The following MAFF variants were observed in gnomAD, a reference collection of about 807,000 sequenced individuals.
The protein encoded by MAFF is transcription factor MafF.
Under a neutral mutation model 2.7 loss-of-function variants are expected in MAFF, and 4 were observed. The observed-to-expected ratio is 1.48, with a 90% CI of 0.73 to 3.39. The LOEUF is 3.39. Among genes scored for constraint, MAFF ranks in the 30% most tolerant of loss-of-function variants. The pLI is 0.01. For missense variants in MAFF, 190 were observed against 246.6 expected, an observed-to-expected ratio of 0.77 and a Z score of 1.54; for synonymous variants, 113 against 119.4, an observed-to-expected ratio of 0.95 and a Z score of 0.35.
chr22:38,208,040 G>A (rs956333723), intron 1 of MAFF, among the ~76,000 whole-genome samples: 8 of 152,160 alleles, frequency 5.3e-5, no homozygotes, highest in Non-Finnish European at 7.4e-5. Flanking sequence ...GTAAAGGGAG[G>A]AGGCAGGACC....
Position 38,214,987 on chromosome 22 carries a change from C to T in MAFF, c.*109C>T. ...GTCCCATTTCTCTGCAGCACTGGCC[C>T]CTTGGTGCACACACATTCCCTTCGT... On this transcript the variant is annotated 3_prime_UTR_variant, in exon 3 of 3. Coordinates refer to ENST00000338483, the MANE Select transcript of MAFF (RefSeq NM_012323.4). This position sits in a 1 kb window ranked among gnomAD's most constrained non-coding sequence, Gnocchi z 6.3. The T allele has an allele frequency of 1.2e-6, 1 of 811,864 alleles. No individual in the cohort carries two copies. The highest frequency in any genetic ancestry group is 2.0e-6 in the Non-Finnish European group (1 of 495,356). The allele number at this position is 811,864 out of a possible 1,614,324, so 50.3% of individuals were successfully genotyped here.
chr22:38,206,004 G>T (rs1374874812), intron 1 of MAFF, among the ~76,000 whole-genome samples: 1 of 152,150 alleles, frequency 6.6e-6, no homozygotes. Flanking sequence ...GCGGTTGAGG[G>T]GGCTGAGGCT....
In MAFF at chr22:38,214,617, G is replaced by A; in HGVS notation, c.234G>A (p.Glu78=). ...CRVKRVCQKE[E]LQKQKSELER... Reference sequence around the variant, plus strand: ...TGAAGCGCGTGTGCCAGAAGGAGGAGCTGCAGAAGCAGAAGTCGGAGCTGG... The same window carrying A: ...TGAAGCGCGTGTGCCAGAAGGAGGAACTGCAGAAGCAGAAGTCGGAGCTGG... Residue 78 remains glutamate, a synonymous_variant, in exon 3 of 3, where the codon GAG becomes GAA. Coordinates refer to ENST00000338483, the MANE Select transcript of MAFF (RefSeq NM_012323.4). This position sits in a 1 kb window ranked among gnomAD's most constrained non-coding sequence, Gnocchi z 6.3. 1.9e-6 allele frequency: 3 copies of A among 1,575,226 alleles called. No individual in the cohort carries two copies. Among genetic ancestry groups the A allele is most frequent in the Non-Finnish European group, 2.6e-6 (3 of 1,161,104 alleles).
rs2091125252 is a variant in MAFF, at chr22:38,214,275, C to T, written c.37-145C>T. The T allele has an allele frequency of 2.4e-6, 2 of 817,688 alleles. No individual in the cohort carries two copies. Among genetic ancestry groups the T allele is most frequent in the Non-Finnish European group, 1.9e-6 (1 of 537,950 alleles). The allele number at this position is 817,688 out of a possible 1,614,324, so 50.7% of individuals were successfully genotyped here. ...CGATCCTAGTCTGGCCCGGTTTCCC[C>T]TTCCCGGATTCCTGCTCCCCTTCGG... On this transcript the variant is annotated intron_variant, in intron 2 of 2. Transcript: ENST00000338483. The surrounding 1 kb of genome is among the most constrained non-coding windows in gnomAD (Gnocchi z 6.3).
At position 38,206,787 on chromosome 22, in the gene MAFF, C is replaced by A. The variant is rs947593649; in HGVS notation, c.-32+4575C>A. Among the ~76,000 whole-genome samples the A allele has an allele frequency of 4.6e-5, 7 of 152,262 alleles. No homozygotes were observed. In the South Asian group the frequency reaches 1.5e-3, roughly 32 times the overall value. ...TGAGGTTCTGTATCAGCCGCAACAC[C>A]CAAAGGGCAGTTGATTAACTTGCGT... is the stretch of plus-strand genomic sequence containing the variant. On this transcript the variant is annotated intron_variant, in intron 1 of 2. Coordinates refer to ENST00000338483, the MANE Select transcript of MAFF (RefSeq NM_012323.4).
rs57782814 is a variant in MAFF at position 38,213,176 on chromosome 22, C to CAAAAAAA, written c.-31-628_-31-622dup. On this transcript the variant is annotated intron_variant, in intron 1 of 2. Coordinates refer to ENST00000338483, the MANE Select transcript of MAFF (RefSeq NM_012323.4). ...TGGGTGACAGAGTGAGACTCTGTCT[C>CAAAAAAA]AAAAAAAAAAAAAAAAAAAAAAAAA... Among the ~76,000 whole-genome samples the CAAAAAAA allele has an allele frequency of 1.9e-4, 22 of 114,100 alleles. No individual in the cohort carries two copies. In the East Asian group the frequency reaches 2.5e-3, roughly 13 times the overall value. 74.9% of individuals were successfully genotyped at this position (114,100 alleles called of 152,430 possible). A position where few individuals can be genotyped will look rare whatever the true frequency, so the allele number is the denominator to read the frequency against.
In MAFF at chr22:38,214,698, C is replaced by G. The variant is rs746668329; in HGVS notation, c.315C>G (p.Asp105Glu). The G allele has an allele frequency of 4.5e-6, 7 of 1,541,272 alleles. No homozygotes were observed. The highest frequency in any genetic ancestry group is 6.1e-6 in the Non-Finnish European group (7 of 1,145,062). The stretch of plus-strand genomic sequence containing the variant: ...ACGCCGCCATGCGCCTGGAGCTCGA[C>G]GCGCTGCGCGGCAAGTGCGAGGCGC... The part of the protein sequence containing the change: ...RENAAMRLEL[D>E]ALRGKCEALQ... Residue 105 changes from aspartate to glutamate, a missense_variant, in exon 3 of 3, where the codon GAC (aspartate) becomes GAG (glutamate). Physicochemically the swap from Asp to Glu is conservative, Grantham distance 45. Coordinates refer to ENST00000338483, the MANE Select transcript of MAFF (RefSeq NM_012323.4). The surrounding 1 kb of genome is among the most constrained non-coding windows in gnomAD (Gnocchi z 6.3).
At chr22:38,211,079 C>T (rs902730001) in intron 1 of MAFF, among the ~76,000 whole-genome samples, 2 of 151,738 alleles carry the variant, frequency 1.3e-5, no homozygotes, top group Non-Finnish European at 2.9e-5. Context: ...AAAACAAAAA[C>T]AAAAACGCCA....
intron 1 of MAFF, among the ~76,000 whole-genome samples, chr22:38,212,813 T>C (rs2091111086): frequency 6.6e-6 from 1 of 152,112 alleles, no homozygotes; most frequent in African/African-American, 2.4e-5. Flanking sequence ...GTAAAGGCAT[T>C]TACTGGTGCA....
intron 1 of MAFF, among the ~76,000 whole-genome samples, chr22:38,206,406 T>C (rs1445018624): frequency 6.6e-6 from 1 of 150,966 alleles, no homozygotes; most frequent in Non-Finnish European, 1.5e-5. Context: ...CAGTGGCTTG[T>C]TCTCAGCTCA....
chr22:38,214,761 G>T lies in MAFF; in HGVS notation c.378G>T (p.Gly126=). ...CGCGCTCCGTGGCCGCCGCCCGCGG[G>T]CCCGCCACGCTCGTGGCGCCGGCCA... ...GFARSVAAAR[G]PATLVAPASV... Residue 126 remains glycine, a synonymous_variant, in exon 3 of 3, where the codon GGG becomes GGT. Coordinates refer to ENST00000338483, the MANE Select transcript of MAFF (RefSeq NM_012323.4). This position sits in a 1 kb window ranked among gnomAD's most constrained non-coding sequence, Gnocchi z 6.3. 1.4e-6 allele frequency: 2 copies of T among 1,419,186 alleles called. No individual in the cohort carries two copies. Among genetic ancestry groups the T allele is most frequent in the Non-Finnish European group, 1.8e-6 (2 of 1,094,172 alleles). The allele number at this position is 1,419,186 out of a possible 1,614,324, so 87.9% of individuals were successfully genotyped here.
At position 38,214,746 on chromosome 22, in the gene MAFF, G is replaced by A. The variant is rs776395712; in HGVS notation, c.363G>A (p.Val121=). 6.4e-6 allele frequency: 9 copies of A among 1,409,892 alleles called. No homozygotes were observed. In the South Asian group the frequency reaches 1.4e-4, roughly 21 times the overall value. The allele number at this position is 1,409,892 out of a possible 1,614,324, so 87.3% of individuals were successfully genotyped here. ...CEALQGFARS[V]AAARGPATLV... ...CGCTGCAGGGCTTCGCGCGCTCCGT[G>A]GCCGCCGCCCGCGGGCCCGCCACGC... Residue 121 remains valine, a synonymous_variant, in exon 3 of 3, where the codon GTG becomes GTA. Transcript: ENST00000338483. The surrounding 1 kb of genome is among the most constrained non-coding windows in gnomAD (Gnocchi z 6.3).
intron 1 of MAFF, among the ~76,000 whole-genome samples, chr22:38,210,524 G>A (rs1423053402): frequency 1.3e-5 from 2 of 152,082 alleles, no homozygotes; most frequent in Non-Finnish European, 2.9e-5. Flanking sequence ...CATTCTAATC[G>A]GGGGGTTGGG....
intron 1 of MAFF, among the ~76,000 whole-genome samples, chr22:38,209,193 T>C (rs891312249): frequency 1.3e-5 from 2 of 151,962 alleles, no homozygotes; most frequent in African/African-American, 4.8e-5. Context: ...AGCCTCCTGA[T>C]AGCTGGGACT....
Position 38,202,516 on chromosome 22 carries a change from G to A in MAFF, c.-32+304G>A, listed in dbSNP as rs1568996458. Reference sequence around the variant, plus strand: ...CGGCGATCTCCGCGTCCGCCCGGCGGGGGCGGGGGCGCTGTGCTCCTACGT... The same window carrying A: ...CGGCGATCTCCGCGTCCGCCCGGCGAGGGCGGGGGCGCTGTGCTCCTACGT... On this transcript the variant is annotated intron_variant, in intron 1 of 2. Coordinates refer to ENST00000338483, the MANE Select transcript of MAFF (RefSeq NM_012323.4). This position sits in a 1 kb window ranked among gnomAD's most constrained non-coding sequence, Gnocchi z 7.4. The A allele has an allele frequency of 6.6e-6, 1 of 151,878 alleles. No individual in the cohort carries two copies. Among genetic ancestry groups the A allele is most frequent in the Non-Finnish European group, 1.5e-5 (1 of 67,906 alleles). The allele number at this position is 151,878 out of a possible 1,614,324, so 9.4% of individuals were successfully genotyped here. A position where few individuals can be genotyped will look rare whatever the true frequency, so the allele number is the denominator to read the frequency against.
intron 1 of MAFF, chr22:38,203,695 G>A (rs2091031551): frequency 1.3e-5 from 2 of 152,256 alleles, no homozygotes; most frequent in African/African-American, 4.8e-5. Context: ...ACTTGCTAGG[G>A]TGAGGAACCA....
Position 38,209,891 on chromosome 22 carries a change from C to T in MAFF, c.-31-3932C>T, listed in dbSNP as rs116823317. On this transcript the variant is annotated intron_variant, in intron 1 of 2. Coordinates refer to ENST00000338483, the MANE Select transcript of MAFF (RefSeq NM_012323.4). ...AGGATCGGTGAGGTTGACATGTAAACGTCTCCAGATAGTATCTGAAAGGTC... is the reference window on the plus strand; with the variant it reads ...AGGATCGGTGAGGTTGACATGTAAATGTCTCCAGATAGTATCTGAAAGGTC... Among the ~76,000 whole-genome samples the T allele has an allele frequency of 4.5e-3, 669 of 149,512 alleles. 5 individuals carry two copies. Among genetic ancestry groups the T allele is most frequent in the Middle Eastern group, 0.021 (6 of 280 alleles).
Position 38,213,900 on chromosome 22 carries a change from A to G in MAFF, c.36+11A>G. ...AGCAAAGCTCTAAAGGTGAGGAGGC[A>G]GCCTCTGTCAACCCAGTGAAGCCCT... On this transcript the variant is annotated intron_variant, in intron 2 of 2. Coordinates refer to ENST00000338483, the MANE Select transcript of MAFF (RefSeq NM_012323.4). 1 of 1,614,148 alleles carries G rather than the reference A, an allele frequency of 6.2e-7. No homozygotes were observed. Among genetic ancestry groups the G allele is most frequent in the Non-Finnish European group, 8.5e-7 (1 of 1,179,960 alleles).
At chr22:38,212,949 G>T (rs970547209) in intron 1 of MAFF, among the ~76,000 whole-genome samples, 4 of 151,988 alleles carry the variant, frequency 2.6e-5, no homozygotes, top group African/African-American at 9.7e-5. Context: ...ATCACCTGAG[G>T]TCAGTAGTTC....
Sources: allele counts gnomAD v4.1 joint callset (sites outside exome capture counted in the v4.1 genomes callset), GRCh38; gene constraint gnomAD v4.1.1; non-coding constraint Gnocchi (gnomAD v3.1); transcripts MANE v1.5; gene names NCBI Gene and HGNC (gene_info 2026-07-23, HGNC 2026-07-21).